The following TDRD7 variants were observed in gnomAD, a reference collection of about 807,000 sequenced individuals.
TDRD7 encodes the protein tudor domain containing 7.
Under a neutral mutation model 109.8 loss-of-function variants are expected in TDRD7, and 47 were observed. The observed-to-expected ratio is 0.43, with a 90% confidence interval of 0.34 to 0.55. The LOEUF is 0.55. Ranked by LOEUF, TDRD7 falls within the 20% of genes least tolerant of loss-of-function variation. TDRD7 has a pLI of 0.03. For synonymous variants in TDRD7, 424 were observed against 457.3 expected, an observed-to-expected ratio of 0.93 and a Z score of 0.93; for missense variants, 1,164 against 1,319.2, an observed-to-expected ratio of 0.88 and a Z score of 1.82.
At chr9:97,434,929 G>T (rs1828167734) in intron 4 of TDRD7, among the ~76,000 whole-genome samples, 1 of 152,092 alleles carries the variant, frequency 6.6e-6, no homozygotes, top group East Asian at 1.9e-4. Flanking sequence ...GCGACATACT[G>T]TGTGATTTTA....
At chr9:97,477,425 T>A (rs1397797992) in intron 12 of TDRD7, among the ~76,000 whole-genome samples, 2 of 152,216 alleles carry the variant, frequency 1.3e-5, no homozygotes, top group Non-Finnish European at 1.5e-5. Context: ...TTCCTGACTT[T>A]TTGAAGAATA....
In TDRD7 at chr9:97,478,512, T is replaced by C. The variant is rs764923242; in HGVS notation, c.2240T>C (p.Val747Ala). The C allele has an allele frequency of 1.2e-6, 2 of 1,614,076 alleles. No individual in the cohort carries two copies. The highest frequency in any genetic ancestry group is 1.1e-5 in the South Asian group (1 of 91,084). ...TCTGGCACTGTGACATCTGTAAAAG[T>C]GTCAGAGCTCAGGGAAATTCCACCT... The part of the protein sequence containing the change: ...LDSGTVTSVK[V>A]SELREIPPRF... Residue 747 changes from valine to alanine, a missense_variant, in exon 13 of 17, where the codon GTG (valine) becomes GCG (alanine). Val to Ala is a moderately conservative substitution (Grantham distance 64). This residue lies in a region of TDRD7 where 233 missense variants were observed against 218.0 expected (regional missense o/e 1.07). Transcript: ENST00000355295.
chr9:97,473,216 G>A (rs1828952769), intron 10 of TDRD7, among the ~76,000 whole-genome samples: 1 of 152,140 alleles, frequency 6.6e-6, no homozygotes, highest in Admixed American at 6.5e-5. Context: ...ATTAAAGATA[G>A]TCTTGGCCTT....
At chr9:97,445,344 G>A (rs919831755) in intron 6 of TDRD7, among the ~76,000 whole-genome samples, 1 of 152,146 alleles carries the variant, frequency 6.6e-6, no homozygotes, top group Non-Finnish European at 1.5e-5. Flanking sequence ...CTGGGTGTTA[G>A]GGATAAAACA....
intron 11 of TDRD7, among the ~76,000 whole-genome samples, chr9:97,474,622 G>A (rs1386498235): frequency 6.6e-6 from 1 of 152,144 alleles, no homozygotes; most frequent in Non-Finnish European, 1.5e-5. Context: ...CTTGTTCTGT[G>A]TTACAGAGGT....
intron 8 of TDRD7, among the ~76,000 whole-genome samples, chr9:97,470,348 G>A (rs1047998506): frequency 6.6e-5 from 10 of 152,096 alleles, no homozygotes; most frequent in Non-Finnish European, 1.5e-4. Context: ...TAGAAGACTG[G>A]GACCTGGAAC....
chr9:97,439,365 A>G lies in TDRD7; in HGVS notation c.637+47A>G, dbSNP rs1001388568. Reference sequence around the variant, plus strand: ...GAGATACATATTGGCTTCCGGAGTCAAGAAACATATCTGGTGGTGGCTTTT... The same window carrying G: ...GAGATACATATTGGCTTCCGGAGTCGAGAAACATATCTGGTGGTGGCTTTT... On this transcript the variant is annotated intron_variant, in intron 5 of 16. Coordinates refer to ENST00000355295, the MANE Select transcript of TDRD7 (RefSeq NM_014290.3). 6.1e-6 allele frequency: 9 copies of G among 1,486,112 alleles called. No individual in the cohort carries two copies. The Admixed American group carries it at 8.4e-5, about 14-fold the overall frequency. The allele number at this position is 1,486,112 out of a possible 1,614,324, so 92.1% of individuals were successfully genotyped here.
chr9:97,484,485 C>G (rs536248532), intron 15 of TDRD7, among the ~76,000 whole-genome samples: 3 of 151,180 alleles, frequency 2.0e-5, no homozygotes, highest in African/African-American at 7.2e-5. Flanking sequence ...CACACACACA[C>G]ACACACACCC....
chr9:97,468,911 T>G (rs541907948), intron 8 of TDRD7, among the ~76,000 whole-genome samples: 4 of 152,214 alleles, frequency 2.6e-5, no homozygotes, highest in African/African-American at 9.6e-5. Context: ...CAGAGCAGAG[T>G]GTGGTGAGAG....
intron 1 of TDRD7, among the ~76,000 whole-genome samples, chr9:97,417,954 G>A (rs919323773): frequency 6.6e-5 from 10 of 152,076 alleles, no homozygotes; most frequent in African/African-American, 1.7e-4. Flanking sequence ...GTGAAACCCC[G>A]TCCCTACTAA....
At chr9:97,427,106 G>GA (rs1245926972) in intron 1 of TDRD7, among the ~76,000 whole-genome samples, 3 of 152,290 alleles carry the variant, frequency 2.0e-5, no homozygotes, top group African/African-American at 7.2e-5. Flanking sequence ...ACTGTTGAAG[G>GA]AAAAGTAACA....
intron 3 of TDRD7, 74 bp downstream of exon 3, chr9:97,431,148 T>C: frequency 2.5e-6 from 4 of 1,588,344 alleles, no homozygotes; most frequent in Non-Finnish European, 3.5e-6. Context: ...ATGGAAATAT[T>C]GTTTGTATTA....
chr9:97,429,740 A>G (rs1024046566), intron 2 of TDRD7, among the ~76,000 whole-genome samples: 10 of 152,128 alleles, frequency 6.6e-5, no homozygotes, highest in African/African-American at 2.4e-4. Context: ...ACTTGACACA[A>G]TGTTTTCTGT....
rs989060310 is a variant in TDRD7, at chr9:97,428,775, T to C, written c.207+103T>C. The C allele has an allele frequency of 1.8e-5, 20 of 1,096,044 alleles. No homozygotes were observed. The African/African-American group carries it at 2.6e-4, about 14-fold the overall frequency. 67.9% of individuals were successfully genotyped at this position (1,096,044 alleles called of 1,614,324 possible). ...GTGATAGACGTCTAAGTGAAAGTACTAGCTTAGTTGTTTGGGATTGGTAGT... is the reference window on the plus strand; with the variant it reads ...GTGATAGACGTCTAAGTGAAAGTACCAGCTTAGTTGTTTGGGATTGGTAGT... On this transcript the variant is annotated intron_variant, in intron 2 of 16. Coordinates refer to ENST00000355295, the MANE Select transcript of TDRD7 (RefSeq NM_014290.3).
At chr9:97,455,280 A>G (rs1472512808) in intron 6 of TDRD7, among the ~76,000 whole-genome samples, 1 of 152,212 alleles carries the variant, frequency 6.6e-6, no homozygotes, top group African/African-American at 2.4e-5. Context: ...TTCTGAAACT[A>G]TTCCAAACAA....
chr9:97,487,769 G>T (rs1205117656), intron 16 of TDRD7, among the ~76,000 whole-genome samples: 1 of 151,872 alleles, frequency 6.6e-6, no homozygotes, highest in Non-Finnish European at 1.5e-5. Context: ...GAAAAACCCT[G>T]CATCTTTACA....
intron 4 of TDRD7, among the ~76,000 whole-genome samples, chr9:97,437,658 C>G (rs781150923): frequency 6.6e-6 from 1 of 152,142 alleles, no homozygotes; most frequent in Non-Finnish European, 1.5e-5. Context: ...CGTGTAGTCC[C>G]AGAGAATAGG....
At position 97,456,569 on chromosome 9, in the gene TDRD7, G is replaced by A. The variant is rs188540071; in HGVS notation, c.856-3609G>A. On this transcript the variant is annotated intron_variant, in intron 6 of 16. Coordinates refer to ENST00000355295, the MANE Select transcript of TDRD7 (RefSeq NM_014290.3). ...TTCAACAAACCTGACAAAAGCAATG[G>A]GGAAAGGATCTCCTATTCAGTAAAT... 5.3e-4 allele frequency among the ~76,000 whole-genome samples: 81 copies of A among 152,222 alleles called. 1 individual carries two copies. Among genetic ancestry groups the A allele is most frequent in the African/African-American group, 1.7e-3 (69 of 41,544 alleles).
At chr9:97,427,316 T>C (rs1828015520) in intron 1 of TDRD7, among the ~76,000 whole-genome samples, 1 of 152,202 alleles carries the variant, frequency 6.6e-6, no homozygotes, top group Non-Finnish European at 1.5e-5. Flanking sequence ...TTTCCTCCTT[T>C]TATTCATATG....
Sources: gnomAD v4.1 joint callset for allele counts (sites outside exome capture counted in the v4.1 genomes callset) on GRCh38, gnomAD v4.1.1 for gene constraint, gnomAD v4.1.1 regional missense constraint, MANE v1.5 for transcripts, NCBI Gene and HGNC (gene_info 2026-07-23, HGNC 2026-07-21) for gene names.